The following NCOA6 variants were observed in gnomAD, a reference collection of about 807,000 sequenced individuals.
The protein encoded by NCOA6 is NRC RAP250.
In NCOA6, 49 loss-of-function variants were observed where a neutral mutation model predicts 171.4. The observed-to-expected ratio is 0.29, with a 90% CI of 0.23 to 0.36. The LOEUF (loss-of-function observed/expected upper bound fraction) is 0.36. Among genes scored for constraint, NCOA6 ranks in the 10% least tolerant of loss-of-function variants. NCOA6 has a pLI of 1.00. For missense variants in NCOA6, 2,248 were observed against 2,554.5 expected, an observed-to-expected ratio of 0.88 and a Z score of 2.59; for synonymous variants, 910 against 927.5, an observed-to-expected ratio of 0.98 and a Z score of 0.34.
chr20:34,749,378 T>C (rs780452735), intron 9 of NCOA6, 25 bp downstream of exon 9: 1 of 1,559,908 alleles, frequency 6.4e-7, no homozygotes, highest in South Asian at 1.2e-5. Context: ...TGAATAAAAT[T>C]TGAGGCAAAA....
chr20:34,751,204 A>G (rs1037287350), intron 8 of NCOA6, among the ~76,000 whole-genome samples: 1 of 148,826 alleles, frequency 6.7e-6, no homozygotes, highest in Non-Finnish European at 1.5e-5. Context: ...CCCCGTCTCT[A>G]CTAAAAATAC....
At chr20:34,736,016 T>C (rs2075946825) in intron 12 of NCOA6, among the ~76,000 whole-genome samples, 1 of 152,118 alleles carries the variant, frequency 6.6e-6, no homozygotes, top group Non-Finnish European at 1.5e-5. Flanking sequence ...ATATCTGCGA[T>C]ATTTATCTGC....
At position 34,768,509 on chromosome 20, in the gene NCOA6, T is replaced by C. The variant is rs995483859; in HGVS notation, c.469A>G (p.Asn157Asp). ...AATCCCGCCTCCATCCTAACTGAATTTCCAGCTCCCATGGGTCCATTCATT... is the reference window on the plus strand; with the variant it reads ...AATCCCGCCTCCATCCTAACTGAATCTCCAGCTCCCATGGGTCCATTCATT... The part of the protein sequence containing the change: ...VRMNGPMGAG[N>D]SVRMEAGFPM... The change falls in exon 5 of 15, where the codon AAT (asparagine) becomes GAT (aspartate). Residue 157 changes from asparagine (N) to aspartate (D), a missense_variant. Around this residue, in one of 7 missense-constraint regions of NCOA6, gnomAD observed 987 missense variants for 1,104.7 expected, o/e 0.89. Coordinates refer to ENST00000359003, the MANE Select transcript of NCOA6 (RefSeq NM_014071.5). The C allele has an allele frequency of 6.2e-7, 1 of 1,614,166 alleles. No individual in the cohort carries two copies. The highest frequency in any genetic ancestry group is 8.5e-7 in the Non-Finnish European group (1 of 1,180,030).
chr20:34,802,549 C>T (rs897551591), intron 1 of NCOA6, among the ~76,000 whole-genome samples: 2 of 151,608 alleles, frequency 1.3e-5, no homozygotes, highest in Non-Finnish European at 2.9e-5. Flanking sequence ...TGCAGTGAGC[C>T]GAGATTGCAC....
chr20:34,722,968 C>T (rs1281165281), intron 14 of NCOA6, among the ~76,000 whole-genome samples: 3 of 152,256 alleles, frequency 2.0e-5, no homozygotes, highest in African/African-American at 7.2e-5. Context: ...GATTGTGCCA[C>T]TGCACTCTGG....
intron 13 of NCOA6, among the ~76,000 whole-genome samples, chr20:34,730,656 G>A (rs1990497025): frequency 6.6e-6 from 1 of 151,538 alleles, no homozygotes; most frequent in Non-Finnish European, 1.5e-5. Context: ...ATGAACAGGG[G>A]TGAAGTCTTA....
intron 10 of NCOA6, among the ~76,000 whole-genome samples, chr20:34,744,696 G>A (rs865960758): frequency 5.9e-5 from 9 of 152,260 alleles, no homozygotes; most frequent in Middle Eastern, 3.4e-3. Flanking sequence ...TTTTAGGCCC[G>A]AGTAACTTCT....
chr20:34,815,820 G>A (rs1380897537), intron 1 of NCOA6, among the ~76,000 whole-genome samples: 2 of 152,052 alleles, frequency 1.3e-5, no homozygotes, highest in African/African-American at 4.8e-5. Context: ...AGGGAGGCTG[G>A]GTGTGTTGTC....
At chr20:34,801,418 T>C (rs2078251312) in intron 1 of NCOA6, among the ~76,000 whole-genome samples, 1 of 152,086 alleles carries the variant, frequency 6.6e-6, no homozygotes, top group South Asian at 2.1e-4. Flanking sequence ...GCTGCCTTTT[T>C]GAAAAGATAA....
chr20:34,809,692 T>G (rs1014904727), intron 1 of NCOA6, among the ~76,000 whole-genome samples: 2 of 152,144 alleles, frequency 1.3e-5, no homozygotes, highest in African/African-American at 4.8e-5. Context: ...AAAGGCCAGG[T>G]GCTGTGGCTC....
intron 1 of NCOA6, among the ~76,000 whole-genome samples, chr20:34,796,826 A>G (rs1022248707): frequency 6.8e-6 from 1 of 147,342 alleles, no homozygotes; most frequent in African/African-American, 2.5e-5. Context: ...TCTCAAATTA[A>G]AAAAAAAAAA....
rs1055921994 is a variant in NCOA6, at chr20:34,749,344, A to G, written c.2792+59T>C. ...ATATTCTGTAAAATTTTCCATCAAA[A>G]AAGTTATCCACACAGAAAACAAATG... On this transcript the variant is annotated intron_variant, in intron 9 of 14. Coordinates refer to ENST00000359003, the MANE Select transcript of NCOA6 (RefSeq NM_014071.5). 2.6e-6 allele frequency: 4 copies of G among 1,523,930 alleles called. No individual in the cohort carries two copies. The African/African-American group carries it at 4.2e-5, about 16-fold the overall frequency. The allele number at this position is 1,523,930 out of a possible 1,614,324, so 94.4% of individuals were successfully genotyped here.
At chr20:34,736,820 T>C (rs1433385567) in intron 11 of NCOA6, 62 bp from the exon 12 acceptor site, 1 of 1,440,190 alleles carries the variant, frequency 6.9e-7, no homozygotes, top group Non-Finnish European at 9.5e-7. Flanking sequence ...AAAGAAAGCA[T>C]TAACCTAATC....
Position 34,758,824 on chromosome 20 carries a change from A to G in NCOA6, c.624T>C (p.Pro208=). Residue 208 remains proline, a synonymous_variant, in exon 6 of 15, where the codon CCT becomes CCC. Transcript: ENST00000359003. ...CATTACCTGACTGAGAAGCAGGGCG[A>G]GGAGTCCTGGGCTGCAGCTCTGGAT... ...GPNPELQPRT[P]RPASQSDAMD... 1 of 1,612,784 alleles carries G rather than the reference A, an allele frequency of 6.2e-7. No individual in the cohort carries two copies. The highest frequency in any genetic ancestry group is 8.5e-7 in the Non-Finnish European group (1 of 1,179,682).
At chr20:34,739,433 T>C (rs1047838645) in intron 11 of NCOA6, among the ~76,000 whole-genome samples, 1 of 152,216 alleles carries the variant, frequency 6.6e-6, no homozygotes, top group African/African-American at 2.4e-5. Flanking sequence ...CTACTGGCTC[T>C]TGACCACTTT....
At chr20:34,716,290 C>G (rs774175050) in intron 14 of NCOA6, among the ~76,000 whole-genome samples, 3 of 151,530 alleles carry the variant, frequency 2.0e-5, no homozygotes, top group Non-Finnish European at 2.9e-5. Flanking sequence ...ACGGCCTGCT[C>G]TGAGCCCAAG....
chr20:34,805,769 A>G (rs1455194938), intron 1 of NCOA6, among the ~76,000 whole-genome samples: 4 of 151,132 alleles, frequency 2.6e-5, no homozygotes, highest in African/African-American at 4.9e-5. Context: ...GCTCACTGCA[A>G]CCTCCAACTC....
At chr20:34,798,079 G>C (rs2078140412) in intron 1 of NCOA6, among the ~76,000 whole-genome samples, 1 of 152,140 alleles carries the variant, frequency 6.6e-6, no homozygotes, top group African/African-American at 2.4e-5. Flanking sequence ...GGCCAGACAA[G>C]AGCCCACTGT....
intron 14 of NCOA6, among the ~76,000 whole-genome samples, chr20:34,725,009 G>C (rs1012153726): frequency 9.9e-5 from 15 of 152,006 alleles, no homozygotes; most frequent in Non-Finnish European, 1.9e-4. Flanking sequence ...GGCTGGTCTC[G>C]AACTCCTGAC....
Sources: gnomAD v4.1 joint callset for allele counts (sites outside exome capture counted in the v4.1 genomes callset) on GRCh38, gnomAD v4.1.1 for gene constraint, gnomAD v4.1.1 regional missense constraint, MANE v1.5 for transcripts, NCBI Gene and HGNC (gene_info 2026-07-23, HGNC 2026-07-21) for gene names.